Variants in PTPRD observed in about 807,000 individuals in gnomAD.
PTPRD encodes receptor-type tyrosine-protein phosphatase delta.
In PTPRD, 34 loss-of-function variants were observed where a neutral mutation model predicts 214.5. The ratio of observed to expected loss-of-function variants is 0.16; its 90% CI spans 0.12 to 0.21. The LOEUF (loss-of-function observed/expected upper bound fraction) is 0.21. Among genes scored for constraint, PTPRD ranks in the 10% least tolerant of loss-of-function variants. PTPRD has a pLI of 1.00. For missense variants in PTPRD, 2,545 were observed against 2,398.7 expected (o/e 1.06, Z -1.27); for synonymous variants, 1,128 against 845.7 (o/e 1.33, Z -5.79).
At chr9:9,564,504 G>A (rs2083816586) in intron 8 of PTPRD, among the ~76,000 whole-genome samples, 1 of 151,984 alleles carries the variant, frequency 6.6e-6, no homozygotes, top group African/African-American at 2.4e-5. Flanking sequence ...CTTAGGCTGA[G>A]GTTCGTGAAT....
chr9:8,653,816 C>T (rs2096858911), intron 12 of PTPRD, among the ~76,000 whole-genome samples: 1 of 152,164 alleles, frequency 6.6e-6, no homozygotes, highest in Admixed American at 6.6e-5. Flanking sequence ...GAATTTCTAA[C>T]TTAGAAACCA....
chr9:9,708,645 GTTTTAC>G (rs1004589448), intron 7 of PTPRD, among the ~76,000 whole-genome samples: 2 of 151,782 alleles, frequency 1.3e-5, no homozygotes, highest in African/African-American at 2.4e-5. Flanking sequence ...CAACAAAACT[GTTTTAC>G]TTTTACAGAC....
intron 9 of PTPRD, among the ~76,000 whole-genome samples, chr9:9,276,666 C>T (rs1032706764): frequency 6.6e-6 from 1 of 151,308 alleles, no homozygotes; most frequent in African/African-American, 2.4e-5. Context: ...TACACATGTA[C>T]CTCTTTCTCC....
At chr9:8,670,606 G>A (rs751025246) in intron 12 of PTPRD, among the ~76,000 whole-genome samples, 10 of 152,064 alleles carry the variant, frequency 6.6e-5, no homozygotes, top group East Asian at 3.9e-4. Context: ...ATACTTTCGC[G>A]TTCTAAACTT....
intron 5 of PTPRD, among the ~76,000 whole-genome samples, chr9:9,790,980 C>T (rs986855258): frequency 2.0e-5 from 3 of 152,074 alleles, no homozygotes; most frequent in African/African-American, 7.2e-5. Context: ...CAGTACATAT[C>T]ATAAATATAT....
intron 8 of PTPRD, among the ~76,000 whole-genome samples, chr9:9,541,120 G>GA (rs1466515526): frequency 2.0e-5 from 3 of 151,702 alleles, no homozygotes; most frequent in Non-Finnish European, 4.4e-5. Context: ...AAGAAATAAC[G>GA]AAAAAATTAC....
At chr9:9,426,805 T>A (rs573439199) in intron 8 of PTPRD, among the ~76,000 whole-genome samples, 1 of 152,070 alleles carries the variant, frequency 6.6e-6, no homozygotes, top group South Asian at 2.1e-4. Context: ...GGGACTGGAG[T>A]GGACCTCCAG....
At chr9:10,094,462 T>C (rs1237021689) in intron 3 of PTPRD, among the ~76,000 whole-genome samples, 2 of 150,554 alleles carry the variant, frequency 1.3e-5, no homozygotes, top group Non-Finnish European at 3.0e-5. Context: ...TCTTAATTAA[T>C]AGATCTAAGA....
intron 7 of PTPRD, among the ~76,000 whole-genome samples, chr9:9,684,948 T>C (rs533062090): frequency 2.0e-5 from 3 of 151,766 alleles, no homozygotes; most frequent in East Asian, 3.9e-4. Context: ...GAATAGATTA[T>C]ACATCACAGT....
At chr9:8,859,804 T>TGA (rs1555444935) in intron 11 of PTPRD, among the ~76,000 whole-genome samples, 1 of 142,540 alleles carries the variant, frequency 7.0e-6, no homozygotes, top group Non-Finnish European at 1.5e-5. Context: ...TCCAGCAATT[T>TGA]GGGGGTGGGG....
chr9:9,965,499 G>A (rs532433327), intron 4 of PTPRD, among the ~76,000 whole-genome samples: 3 of 152,260 alleles, frequency 2.0e-5, no homozygotes, highest in African/African-American at 7.2e-5. Context: ...TGAATATGTA[G>A]ACAGCAGGTC....
At chr9:9,582,009 C>T (rs1482326745) in intron 7 of PTPRD, among the ~76,000 whole-genome samples, 1 of 152,154 alleles carries the variant, frequency 6.6e-6, no homozygotes, top group East Asian at 1.9e-4. Context: ...TCAAAAGCTA[C>T]TAGACATTGT....
intron 3 of PTPRD, among the ~76,000 whole-genome samples, chr9:10,332,271 A>G (rs968951782): frequency 1.3e-5 from 2 of 151,870 alleles, no homozygotes; most frequent in Non-Finnish European, 2.9e-5. Flanking sequence ...AGGAGTCTTA[A>G]AATGTTTCAC....
At chr9:9,976,109 A>G (rs900739747) in intron 4 of PTPRD, among the ~76,000 whole-genome samples, 1 of 152,154 alleles carries the variant, frequency 6.6e-6, no homozygotes. Flanking sequence ...TTTTAAGTGG[A>G]ACATTTTCAG....
intron 22 of PTPRD, among the ~76,000 whole-genome samples, chr9:8,505,731 G>C (rs1592246114): frequency 6.6e-6 from 1 of 151,638 alleles, no homozygotes; most frequent in South Asian, 2.1e-4. Flanking sequence ...AAAGTTTTCA[G>C]GAATTTTAGA....
chr9:8,808,633 C>A (rs79234439), intron 11 of PTPRD, among the ~76,000 whole-genome samples: 1 of 151,902 alleles, frequency 6.6e-6, no homozygotes, highest in South Asian at 2.1e-4. Flanking sequence ...AAGCAGTAGA[C>A]TCAATACAAA....
chr9:9,906,840 T>G (rs2077706844), intron 5 of PTPRD, among the ~76,000 whole-genome samples: 1 of 151,964 alleles, frequency 6.6e-6, no homozygotes, highest in South Asian at 2.1e-4. Flanking sequence ...TCAAGAAATC[T>G]AATAAATTCC....
intron 36 of PTPRD, 90 bp from the exon 37 acceptor site, chr9:8,389,497 G>A (rs1242911894): frequency 4.2e-6 from 4 of 944,452 alleles, no homozygotes; most frequent in Non-Finnish European, 6.2e-6. Flanking sequence ...CTATCTTACT[G>A]TTCCACCTCA....
chr9:8,876,693 T>C (rs2098394567), intron 11 of PTPRD, among the ~76,000 whole-genome samples: 1 of 152,220 alleles, frequency 6.6e-6, no homozygotes, highest in African/African-American at 2.4e-5. Flanking sequence ...TCAGAACATT[T>C]AATGTTCTTT....
Sources: gnomAD v4.1 joint callset for allele counts (sites outside exome capture counted in the v4.1 genomes callset) on GRCh38, gnomAD v4.1.1 for gene constraint, MANE v1.5 for transcripts, NCBI Gene and HGNC (gene_info 2026-07-23, HGNC 2026-07-21) for gene names.